TM4SF4: variants seen among roughly 807,000 people sequenced by gnomAD.
TM4SF4 encodes the protein transmembrane 4 L six family member 4, also known as transmembrane 4 L6 family member 4.
In TM4SF4, 24 loss-of-function variants were observed where a neutral mutation model predicts 24.1. The observed-to-expected ratio is 1.00, with a 90% CI of 0.72 to 1.40. The LOEUF (loss-of-function observed/expected upper bound fraction) is 1.40. TM4SF4 is among the 40% of genes most tolerant of loss of function. The pLI is 0.00. For missense variants in TM4SF4, 254 were observed against 254.2 expected, an observed-to-expected ratio of 1.00 and a Z score of 0.01; for synonymous variants, 113 against 97.0, an observed-to-expected ratio of 1.17 and a Z score of -0.97.
At chr3:149,486,472 A>T (rs560296268) in intron 2 of TM4SF4, among the ~76,000 whole-genome samples, 1 of 152,346 alleles carries the variant, frequency 6.6e-6, no homozygotes, top group South Asian at 2.1e-4. Context: ...AAATGTTTTC[A>T]TTCTACTTTC....
At chr3:149,485,027 T>C (rs532046649) in intron 2 of TM4SF4, among the ~76,000 whole-genome samples, 1 of 152,352 alleles carries the variant, frequency 6.6e-6, no homozygotes, top group East Asian at 1.9e-4. Flanking sequence ...TGATGTCTTC[T>C]CTAGGCAGTA....
chr3:149,496,629 G>A (rs953599692), intron 3 of TM4SF4, among the ~76,000 whole-genome samples: 1 of 152,126 alleles, frequency 6.6e-6, no homozygotes, highest in African/African-American at 2.4e-5. Flanking sequence ...TTAGCCGGAT[G>A]TGGTGGCATG....
rs56017202 is a variant in TM4SF4, at chr3:149,501,021, CAAA to C, written c.592-1641_592-1639del. 4.3e-3 allele frequency among the ~76,000 whole-genome samples: 455 copies of C among 105,776 alleles called. 2 individuals carry two copies. Among genetic ancestry groups the C allele is most frequent in the African/African-American group, 0.015 (430 of 28,634 alleles). 69.4% of individuals were successfully genotyped at this position (105,776 alleles called of 152,430 possible). On this transcript the variant is annotated intron_variant, in intron 4 of 4. Coordinates refer to ENST00000305354, the MANE Select transcript of TM4SF4 (RefSeq NM_004617.4). ...CCTGGATAACAGAACAAGACCTTTC[CAAA>C]AAAAAAAAAAAAAGAGAGAGAGAGA... is the stretch of plus-strand genomic sequence containing the variant.
chr3:149,482,686 A>G (rs949037706), intron 2 of TM4SF4, among the ~76,000 whole-genome samples: 4 of 151,982 alleles, frequency 2.6e-5, no homozygotes, highest in Non-Finnish European at 4.4e-5. Flanking sequence ...TAGGACTACA[A>G]GCACACACCA....
chr3:149,475,112 A>G, intron 1 of TM4SF4, 61 bp downstream of exon 1: 2 of 1,524,338 alleles, frequency 1.3e-6, no homozygotes, highest in Non-Finnish European at 1.8e-6. Flanking sequence ...AATCCTTTTT[A>G]AATCAGGTAC....
Position 149,498,948 on chromosome 3 carries a change from G to C in TM4SF4, c.591+37G>C, listed in dbSNP as rs150695602. On this transcript the variant is annotated intron_variant, in intron 4 of 4. Transcript: ENST00000305354. ...CTTTTGCTGTTTCTTCTCAGCATGA[G>C]GGAGGCCAGGTCAGGCCACTAGCAT... 98 of 1,608,704 alleles carry C rather than the reference G, an allele frequency of 6.1e-5. No individual in the cohort carries two copies. The African/African-American group carries it at 1.1e-3, about 18-fold the overall frequency.
Position 149,502,798 on chromosome 3 carries a change from T to A in TM4SF4, c.*105T>A. ...TATTAATTCCTATCTGCTTCCTAGC[T>A]GATAAAGCTTAGAAAAGGCAGTTAT... is the stretch of plus-strand genomic sequence containing the variant. On this transcript the variant is annotated 3_prime_UTR_variant, in exon 5 of 5. Coordinates refer to ENST00000305354, the MANE Select transcript of TM4SF4 (RefSeq NM_004617.4). 4 of 839,050 alleles carry A rather than the reference T, an allele frequency of 4.8e-6. No individual in the cohort carries two copies. Among genetic ancestry groups the A allele is most frequent in the Non-Finnish European group, 7.9e-6 (4 of 506,984 alleles). The allele number at this position is 839,050 out of a possible 1,614,324, so 52.0% of individuals were successfully genotyped here. A position where few individuals can be genotyped will look rare whatever the true frequency, so the allele number is the denominator to read the frequency against.
chr3:149,491,749 C>T (rs937755577), intron 3 of TM4SF4, among the ~76,000 whole-genome samples: 4 of 151,986 alleles, frequency 2.6e-5, no homozygotes, highest in African/African-American at 4.8e-5. Context: ...AGAAGGAGTG[C>T]GGGGGGAAAC....
chr3:149,481,251 G>A, intron 2 of TM4SF4, among the ~76,000 whole-genome samples: 1 of 148,668 alleles, frequency 6.7e-6, no homozygotes, highest in Non-Finnish European at 1.5e-5. Flanking sequence ...TAAGTTCTAG[G>A]GGAAGATTTT....
chr3:149,498,610 G>C lies in TM4SF4; in HGVS notation c.402-112G>C, dbSNP rs146327225. The C allele has an allele frequency of 6.9e-4, 627 of 903,852 alleles. 1 individual carries two copies. Among genetic ancestry groups the C allele is most frequent in the Non-Finnish European group, 9.5e-4 (547 of 578,550 alleles). The allele number at this position is 903,852 out of a possible 1,614,324, so 56.0% of individuals were successfully genotyped here. On this transcript the variant is annotated intron_variant, in intron 3 of 4. Coordinates refer to ENST00000305354, the MANE Select transcript of TM4SF4 (RefSeq NM_004617.4). ...TTAGTACAGAGTATTTTCTCGTGAA[G>C]CTAGTTTTGGGTGGAAAGTAGTGCA...
rs935545642 is a variant in TM4SF4 at position 149,503,004 on chromosome 3, T to C, written c.*311T>C. 12 of 281,868 alleles carry C rather than the reference T, an allele frequency of 4.3e-5. No individual in the cohort carries two copies. Among genetic ancestry groups the C allele is most frequent in the African/African-American group, 2.6e-4 (12 of 45,558 alleles). 17.5% of individuals were successfully genotyped at this position (281,868 alleles called of 1,614,324 possible). Reference sequence around the variant, plus strand: ...TATTACAAATGTAAAATGTATAAAGTCACATGTACTGCCATACTACTTCTT... The same window carrying C: ...TATTACAAATGTAAAATGTATAAAGCCACATGTACTGCCATACTACTTCTT... On this transcript the variant is annotated 3_prime_UTR_variant, in exon 5 of 5. Transcript: ENST00000305354.
chr3:149,485,289 T>C (rs1560030498), intron 2 of TM4SF4, among the ~76,000 whole-genome samples: 1 of 152,244 alleles, frequency 6.6e-6, no homozygotes, highest in Non-Finnish European at 1.5e-5. Flanking sequence ...CTCAAACTTA[T>C]TCAACCTTAC....
At position 149,498,931 on chromosome 3, in the gene TM4SF4, GT is replaced by G; in HGVS notation, c.591+23del. ...TGTGGGGTAAGTTCAGGCTTTTGCT[GT>G]TTCTTCTCAGCATGAGGGAGGCCAG... On this transcript the variant is annotated intron_variant, in intron 4 of 4. Transcript: ENST00000305354. The G allele has an allele frequency of 6.2e-7, 1 of 1,612,940 alleles. No individual in the cohort carries two copies. The highest frequency in any genetic ancestry group is 8.5e-7 in the Non-Finnish European group (1 of 1,179,270).
intron 3 of TM4SF4, among the ~76,000 whole-genome samples, chr3:149,497,898 G>C (rs1165725881): frequency 2.0e-5 from 3 of 151,980 alleles, no homozygotes; most frequent in Non-Finnish European, 4.4e-5. Flanking sequence ...GCCCACTTTG[G>C]CCTCCCAAAG....
At chr3:149,481,964 T>C (rs1195427241) in intron 2 of TM4SF4, among the ~76,000 whole-genome samples, 1 of 152,220 alleles carries the variant, frequency 6.6e-6, no homozygotes, top group East Asian at 1.9e-4. Context: ...AAAAATACTA[T>C]AATATAATAA....
At chr3:149,490,622 A>T (rs1278967104) in intron 3 of TM4SF4, among the ~76,000 whole-genome samples, 1 of 152,190 alleles carries the variant, frequency 6.6e-6, no homozygotes, top group Non-Finnish European at 1.5e-5. Context: ...CTTTTTGCCT[A>T]GATTCCCTGT....
rs1187369948 is a variant in TM4SF4 at position 149,487,703 on chromosome 3, G to A, written c.349G>A (p.Gly117Ser). 6.2e-7 allele frequency: 1 copy of A among 1,613,938 alleles called. No homozygotes were observed. Among genetic ancestry groups the A allele is most frequent in the South Asian group, 1.1e-5 (1 of 91,084 alleles). ...FIISAISINK[G>S]PKCLMANSTW... The stretch of plus-strand genomic sequence containing the variant: ...CATCTCAGCCATTTCAATCAACAAG[G>A]GTCCTAAATGCCTCATGGCCAATAG... The change falls in exon 3 of 5, where the codon GGT (glycine) becomes AGT (serine). Residue 117 changes from glycine (G) to serine (S), a missense_variant. Physicochemically the swap from Gly to Ser is moderately conservative, Grantham distance 56. Coordinates refer to ENST00000305354, the MANE Select transcript of TM4SF4 (RefSeq NM_004617.4).
intron 4 of TM4SF4, among the ~76,000 whole-genome samples, chr3:149,501,320 TTCCC>T (rs137968492): frequency 0.026 from 3,891 of 152,204 alleles, 155 homozygotes; most frequent in African/African-American, 0.089. Context: ...GTCCATTTTT[TTCCC>T]TTCCTTTCTT....
intron 3 of TM4SF4, among the ~76,000 whole-genome samples, chr3:149,496,159 T>A (rs1382854530): frequency 6.6e-6 from 1 of 150,960 alleles, no homozygotes; most frequent in Non-Finnish European, 1.5e-5. Context: ...GAGAATGTTT[T>A]GTTGACCATT....
Sources: allele counts gnomAD v4.1 joint callset (sites outside exome capture counted in the v4.1 genomes callset), GRCh38; gene constraint gnomAD v4.1.1; transcripts MANE v1.5; gene names NCBI Gene and HGNC (gene_info 2026-07-23, HGNC 2026-07-21).